The following PCMT1 variants were observed in gnomAD, a reference collection of about 807,000 sequenced individuals.
PCMT1 encodes protein-L-isoaspartate(D-aspartate) O-methyltransferase.
Under a neutral mutation model 29.2 loss-of-function variants are expected in PCMT1, and 9 were observed. The observed-to-expected ratio is 0.31, with a 90% confidence interval of 0.19 to 0.54. The LOEUF (loss-of-function observed/expected upper bound fraction) is 0.54. Ranked by LOEUF, PCMT1 falls within the 20% of genes least tolerant of loss-of-function variation. The pLI is 0.95. For synonymous variants in PCMT1, 98 were observed against 97.5 expected, an observed-to-expected ratio of 1.00 and a Z score of -0.03; for missense variants, 184 against 282.2, an observed-to-expected ratio of 0.65 and a Z score of 2.49.
chr6:149,781,229 C>CT lies in PCMT1; in HGVS notation c.192+8073dup, dbSNP rs773565212. Among the ~76,000 whole-genome samples, 799 of 109,322 alleles carry CT rather than the reference C, an allele frequency of 7.3e-3. 7 individuals are homozygous for CT. The highest frequency in any genetic ancestry group is 0.02 in the African/African-American group (604 of 30,564). 71.7% of individuals were successfully genotyped at this position (109,322 alleles called of 152,430 possible). ...GTTTTTTTTTTTTAGATAATTAAAA[C>CT]TTTTTTTTTTTTTCTGAGACAGAGT... On this transcript the variant is annotated intron_variant, in intron 3 of 7. Transcript: ENST00000464889.
At chr6:149,768,360 C>T (rs900866480) in intron 1 of PCMT1, among the ~76,000 whole-genome samples, 2 of 151,260 alleles carry the variant, frequency 1.3e-5, no homozygotes, top group Admixed American at 6.6e-5. Flanking sequence ...CCAAAGTGCT[C>T]GGATTACAGG....
At chr6:149,750,878 G>A (rs780975158) in intron 1 of PCMT1, among the ~76,000 whole-genome samples, 4 of 152,136 alleles carry the variant, frequency 2.6e-5, no homozygotes, top group Admixed American at 6.6e-5. Flanking sequence ...TCACTGGTCA[G>A]AATTTATAGC....
Position 149,795,174 on chromosome 6 carries a change from CAA to C in PCMT1, c.419-1240_419-1239del, listed in dbSNP as rs534827535. The C allele has an allele frequency of 1.7e-4, 49 of 289,774 alleles. No homozygotes were observed. In the Middle Eastern group the frequency reaches 5.0e-3, roughly 29 times the overall value. 18.0% of individuals were successfully genotyped at this position (289,774 alleles called of 1,614,324 possible). ...CGCCATTGCACTCTAGCCTGGCAGA[CAA>C]GAGCGAGACTTCGTCTCAAAAAAAA... is the stretch of plus-strand genomic sequence containing the variant. On this transcript the variant is annotated intron_variant, in intron 5 of 7. Transcript: ENST00000464889.
intron 1 of PCMT1, among the ~76,000 whole-genome samples, chr6:149,750,673 AC>A (rs1390325293): frequency 6.6e-6 from 1 of 152,026 alleles, no homozygotes; most frequent in Non-Finnish European, 1.5e-5. Flanking sequence ...TGATGTTCTA[AC>A]TTTTTTCAGG....
intron 7 of PCMT1, chr6:149,810,176 T>C (rs1776124111): frequency 6.3e-6 from 1 of 158,176 alleles, no homozygotes; most frequent in East Asian, 1.9e-4. Flanking sequence ...TGGGTTGAGA[T>C]TGACCCACTC....
At chr6:149,752,163 G>A (rs765026726) in intron 1 of PCMT1, among the ~76,000 whole-genome samples, 66 of 150,954 alleles carry the variant, frequency 4.4e-4, no homozygotes, top group Non-Finnish European at 8.1e-4. Context: ...ACAAGAGTGA[G>A]CCACCGCACC....
At position 149,802,197 on chromosome 6, in the gene PCMT1, T is replaced by A; in HGVS notation, c.505-3T>A. The stretch of plus-strand genomic sequence containing the variant: ...TGTATGTGCTTTTTTTTTTTTCTTT[T>A]AGCTAATAGATCAGTTAAAGCCCGG... On this transcript the variant is annotated splice_polypyrimidine_tract_variant and splice_region_variant and intron_variant, in intron 6 of 7. Transcript: ENST00000464889. The A allele has an allele frequency of 6.4e-7, 1 of 1,560,038 alleles. No homozygotes were observed. Among genetic ancestry groups the A allele is most frequent in the South Asian group, 1.2e-5 (1 of 82,756 alleles).
intron 1 of PCMT1, among the ~76,000 whole-genome samples, chr6:149,755,009 G>A (rs1163421636): frequency 2.0e-5 from 3 of 152,078 alleles, no homozygotes; most frequent in African/African-American, 4.8e-5. Flanking sequence ...GGTATGTTAC[G>A]TATAGGAAGA....
At chr6:149,769,308 C>CTTTTTGTTTTTTTTTT (rs1787214853) in intron 1 of PCMT1, among the ~76,000 whole-genome samples, 1 of 71,562 alleles carries the variant, frequency 1.4e-5, no homozygotes, top group African/African-American at 8.6e-5. Context: ...GTGCAGGATT[C>CTTTTTGTTTTTTTTTT]TTTTTTTTTT....
At chr6:149,760,895 A>G (rs1281236424) in intron 1 of PCMT1, among the ~76,000 whole-genome samples, 1 of 152,162 alleles carries the variant, frequency 6.6e-6, no homozygotes, top group East Asian at 1.9e-4. Flanking sequence ...AGTTGTATCC[A>G]TAATTTCTAC....
At position 149,811,102 on chromosome 6, in the gene PCMT1, T is replaced by C. The variant is rs1018985998; in HGVS notation, c.*524T>C. ...TGAGCTTTCTTTTTAAAGCTTTTGA[T>C]GTGGTGTCATAGAATAGCATGTTGT... On this transcript the variant is annotated 3_prime_UTR_variant, in exon 8 of 8. Coordinates refer to ENST00000464889, the MANE Select transcript of PCMT1 (RefSeq NM_001360452.2). The C allele has an allele frequency of 6.5e-6, 1 of 154,542 alleles. No individual in the cohort carries two copies. Among genetic ancestry groups the C allele is most frequent in the Non-Finnish European group, 1.4e-5 (1 of 69,708 alleles). The allele number at this position is 154,542 out of a possible 1,614,324, so 9.6% of individuals were successfully genotyped here. A position where few individuals can be genotyped will look rare whatever the true frequency, so the allele number is the denominator to read the frequency against.
At chr6:149,783,326 T>C (rs1030554860) in intron 3 of PCMT1, among the ~76,000 whole-genome samples, 99 of 151,032 alleles carry the variant, frequency 6.6e-4, no homozygotes, top group African/African-American at 2.1e-3. Flanking sequence ...AGAGACGGGG[T>C]TTCACCATGT....
intron 4 of PCMT1, among the ~76,000 whole-genome samples, chr6:149,791,288 G>A (rs1440623363): frequency 6.6e-6 from 1 of 152,178 alleles, no homozygotes; most frequent in Admixed American, 6.5e-5. Context: ...CCAGGATGAA[G>A]GTAAAACTTC....
At chr6:149,801,241 T>G (rs976882699) in intron 6 of PCMT1, among the ~76,000 whole-genome samples, 98 of 152,360 alleles carry the variant, frequency 6.4e-4, no homozygotes, top group African/African-American at 2.2e-3. Flanking sequence ...TTATACCTCT[T>G]ATACACATAG....
chr6:149,776,751 A>C (rs2115267782), intron 3 of PCMT1, among the ~76,000 whole-genome samples: 1 of 152,344 alleles, frequency 6.6e-6, no homozygotes, highest in Non-Finnish European at 1.5e-5. Flanking sequence ...AATTAGCACT[A>C]TAATGAGGTA....
chr6:149,760,405 T>C (rs1262107539), intron 1 of PCMT1, among the ~76,000 whole-genome samples: 1 of 152,212 alleles, frequency 6.6e-6, no homozygotes, highest in Non-Finnish European at 1.5e-5. Context: ...AAGACTAATA[T>C]GGTGGTTCCA....
intron 1 of PCMT1, among the ~76,000 whole-genome samples, chr6:149,755,167 A>C (rs1270000821): frequency 6.6e-6 from 1 of 152,162 alleles, no homozygotes; most frequent in Non-Finnish European, 1.5e-5. Flanking sequence ...GAACTTTGGG[A>C]GGCTGAGTCA....
intron 7 of PCMT1, among the ~76,000 whole-genome samples, chr6:149,803,145 ACG>A (rs1775898310): frequency 1.3e-5 from 2 of 151,932 alleles, no homozygotes; most frequent in African/African-American, 4.8e-5. Context: ...GGGAAAGATA[ACG>A]GTCGTCTCAG....
At chr6:149,794,970 C>A (rs761312141) in intron 5 of PCMT1, 33 of 401,120 alleles carry the variant, frequency 8.2e-5, no homozygotes, top group African/African-American at 1.2e-4. Flanking sequence ...CCAAGGCGGG[C>A]GGATCACTTG....
Sources: gnomAD v4.1 joint callset for allele counts (sites outside exome capture counted in the v4.1 genomes callset) on GRCh38, gnomAD v4.1.1 for gene constraint, MANE v1.5 for transcripts, NCBI Gene and HGNC (gene_info 2026-07-23, HGNC 2026-07-21) for gene names.